LDB1: variants seen among roughly 807,000 people sequenced by gnomAD.
LDB1 encodes the protein LIM domain binding 1.
LDB1 carries 6 observed loss-of-function variants against 49.7 expected under a neutral mutation model. The ratio of observed to expected loss-of-function variants is 0.12; its 90% CI spans 0.07 to 0.24. The LOEUF (loss-of-function observed/expected upper bound fraction) is 0.24. LDB1 is among the 10% of genes least tolerant of loss of function. LDB1 has a pLI of 1.00. For synonymous variants in LDB1, 233 were observed against 202.0 expected (o/e 1.15, Z -1.30); for missense variants, 341 against 561.7 (o/e 0.61, Z 3.97).
intron 1 of LDB1, among the ~76,000 whole-genome samples, chr10:102,116,242 C>T (rs1590289239): frequency 6.6e-6 from 1 of 152,140 alleles, no homozygotes; most frequent in Non-Finnish European, 1.5e-5. Context: ...AGTGCAGTGG[C>T]GCGATCTCGG....
At chr10:102,104,001 G>A (rs932343558), downstream of LDB1, among the ~76,000 whole-genome samples, 1 of 151,966 alleles carries the variant, frequency 6.6e-6, no homozygotes, top group East Asian at 1.9e-4. Flanking sequence ...GGCAGAGGTT[G>A]CAGTGAGACG....
chr10:102,109,001 G>A lies in LDB1; in HGVS notation c.1005+28C>T, dbSNP rs757171881. 2 of 1,614,194 alleles carry A rather than the reference G, an allele frequency of 1.2e-6. No individual in the cohort carries two copies. Among genetic ancestry groups the A allele is most frequent in the East Asian group, 4.5e-5 (2 of 44,892 alleles). ...CAGGGGTGAGTGGTGGGGCAGCCCAGAAGAGAGAAGAAAGCCGAGATGCTT... is the reference window on the plus strand; with the variant it reads ...CAGGGGTGAGTGGTGGGGCAGCCCAAAAGAGAGAAGAAAGCCGAGATGCTT... On this transcript the variant is annotated intron_variant, in intron 10 of 10. Coordinates refer to ENST00000673968, the MANE Select transcript of LDB1 (RefSeq NM_001113407.3). The surrounding 1 kb of genome is among the most constrained non-coding windows in gnomAD (Gnocchi z 5.8).
At chr10:102,106,234 G>C (rs937507279), downstream of LDB1, among the ~76,000 whole-genome samples, 44 of 152,006 alleles carry the variant, frequency 2.9e-4, no homozygotes, top group Non-Finnish European at 8.8e-5. Flanking sequence ...CCTGGGGTGA[G>C]AGGTGGGGAG....
rs1202492586 is a variant in LDB1 at position 102,107,282 on chromosome 10, G to A, written c.*811C>T. Among the ~76,000 whole-genome samples the A allele has an allele frequency of 1.3e-5, 2 of 152,102 alleles. No individual in the cohort carries two copies. The highest frequency in any genetic ancestry group is 3.9e-4 in the East Asian group (2 of 5,178). ...CTAGGAGGGCAGGCCAGAGTCCAGA[G>A]AATGGGGACACAGAGACAACAGCAG... is the stretch of plus-strand genomic sequence containing the variant. On this transcript the variant is annotated 3_prime_UTR_variant, in exon 11 of 11. Transcript: ENST00000673968.
At chr10:102,114,029 G>C (rs556878411) in intron 1 of LDB1, among the ~76,000 whole-genome samples, 84 of 152,348 alleles carry the variant, frequency 5.5e-4, no homozygotes, top group African/African-American at 2.0e-3. Context: ...CCAGCAGCAG[G>C]AGTAGAGGCA....
At chr10:102,114,612 C>G (rs1255116630) in intron 1 of LDB1, 1 of 983,690 alleles carries the variant, frequency 1.0e-6, no homozygotes, top group Non-Finnish European at 1.2e-6. Flanking sequence ...GCCGCTGTCC[C>G]GGGGGAAAGT....
At chr10:102,114,812 G>GGGCCCCCCCCCCCCC in intron 1 of LDB1, 219 of 929,740 alleles carry the variant, frequency 2.4e-4, no homozygotes, top group Non-Finnish European at 2.6e-4. Context: ...CCTCCGAGCA[G>GGGCCCCCCCCCCCCC]CCCGCCCGCC....
rs1180695720 is a variant in LDB1, at chr10:102,114,486, C to CG, written c.26-2951dup. The CG allele has an allele frequency of 6.1e-6, 6 of 985,974 alleles. No homozygotes were observed. In the African/African-American group the frequency reaches 8.7e-5, roughly 14 times the overall value. 61.1% of individuals were successfully genotyped at this position (985,974 alleles called of 1,614,324 possible). On this transcript the variant is annotated intron_variant, in intron 1 of 10. Transcript: ENST00000673968. ...GAGTCCTGGCAGGGGTGAGGGCTGA[C>CG]GGGGGGACAACTTCAGCAGCTCATG...
chr10:102,120,528 T>C (rs537571289), upstream of LDB1: 19 of 291,854 alleles, frequency 6.5e-5, no homozygotes, highest in East Asian at 3.0e-3. Context: ...AATATGCTAA[T>C]TGTCCTGCTA....
At chr10:102,102,868 C>T (rs1365930174), downstream of LDB1, among the ~76,000 whole-genome samples, 2 of 152,166 alleles carry the variant, frequency 1.3e-5, no homozygotes, top group East Asian at 1.9e-4. Flanking sequence ...TATCATAGCA[C>T]ACTGTGGCCT....
Position 102,107,881 on chromosome 10 carries a change from C to T in LDB1, c.*212G>A, listed in dbSNP as rs554492610. ...GGCATCCACATGAGTACCCCCTCCC[C>T]CTAAAAGGCTCTGTAGAGGCCAGGC... is the stretch of plus-strand genomic sequence containing the variant. On this transcript the variant is annotated 3_prime_UTR_variant, in exon 11 of 11. Coordinates refer to ENST00000673968, the MANE Select transcript of LDB1 (RefSeq NM_001113407.3). The T allele has an allele frequency of 9.2e-5, 55 of 597,724 alleles. No homozygotes were observed. In the African/African-American group the frequency reaches 9.8e-4, roughly 11 times the overall value. 37.0% of individuals were successfully genotyped at this position (597,724 alleles called of 1,614,324 possible).
Position 102,109,052 on chromosome 10 carries a change from A to C in LDB1, c.982T>G (p.Phe328Val). The C allele has an allele frequency of 1.9e-6, 3 of 1,614,208 alleles. No homozygotes were observed. In the Admixed American group the frequency reaches 5.0e-5, roughly 27 times the overall value. ...ACAGGTACCTGGCTGGAGAGGGCGA[A>C]GGTGCTAGCTGGGCTCTTCTTCTTG... ...NSKKKSPAST[F>V]ALSSQVPDVM... is the part of the protein sequence containing the mutation. The change falls in exon 10 of 11, where the codon TTC becomes GTC. Residue 328 changes from phenylalanine to valine, a missense_variant. Phe to Val is a conservative substitution (Grantham distance 50). Around this residue, in one of 5 missense-constraint regions of LDB1, gnomAD observed 233 missense variants for 385.7 expected, o/e 0.60. Transcript: ENST00000673968. This position sits in a 1 kb window ranked among gnomAD's most constrained non-coding sequence, Gnocchi z 5.8.
At chr10:102,114,804 T>C (rs2068311220) in intron 1 of LDB1, 1 of 977,532 alleles carries the variant, frequency 1.0e-6, no homozygotes, top group Non-Finnish European at 1.2e-6. Context: ...TGCCTCTGCC[T>C]CCGAGCAGCC....
chr10:102,116,045 C>T (rs1041153281), intron 1 of LDB1, among the ~76,000 whole-genome samples: 2 of 152,194 alleles, frequency 1.3e-5, no homozygotes, highest in African/African-American at 4.8e-5. Context: ...TCACACATAA[C>T]TCCAAGGACA....
At chr10:102,116,413 T>G (rs1221792470) in intron 1 of LDB1, among the ~76,000 whole-genome samples, 1 of 152,156 alleles carries the variant, frequency 6.6e-6, no homozygotes, top group Non-Finnish European at 1.5e-5. Context: ...ACGCCTGACC[T>G]CAGGTGATCC....
At chr10:102,120,552 G>A (rs12768433), upstream of LDB1, 50,960 of 228,258 alleles carry the variant, frequency 0.22, 6,753 homozygotes, top group Non-Finnish European at 0.27. Flanking sequence ...GGAGGGGAGA[G>A]CCGTGTCAAA....
At chr10:102,113,248 AGAGCCTGT>A (rs146708319) in intron 1 of LDB1, among the ~76,000 whole-genome samples, 1 of 152,352 alleles carries the variant, frequency 6.6e-6, no homozygotes, top group Non-Finnish European at 1.5e-5. Flanking sequence ...ATGCCAAGTC[AGAGCCTGT>A]GTGTGCCTGC....
In LDB1 at chr10:102,109,191, C is replaced by T. The variant is rs376821684; in HGVS notation, c.857-14G>A. 4.2e-5 allele frequency: 67 copies of T among 1,612,942 alleles called. No homozygotes were observed. The highest frequency in any genetic ancestry group is 4.9e-5 in the Non-Finnish European group (58 of 1,179,876). On this transcript the variant is annotated splice_polypyrimidine_tract_variant and intron_variant, in intron 9 of 10. Transcript: ENST00000673968. The surrounding 1 kb of genome is among the most constrained non-coding windows in gnomAD (Gnocchi z 5.8). ...GTGTGGGCTCCGCTGTGCCGGTAAACGGAGACTCAGATGGGAGAGGGCCCC... is the reference window on the plus strand; with the variant it reads ...GTGTGGGCTCCGCTGTGCCGGTAAATGGAGACTCAGATGGGAGAGGGCCCC...
chr10:102,120,698 C>T (rs2068409025), upstream of LDB1, among the ~76,000 whole-genome samples: 1 of 152,130 alleles, frequency 6.6e-6, no homozygotes. Flanking sequence ...GCAGAGACCC[C>T]AGAGAGGGAG....
Sources: allele counts gnomAD v4.1 joint callset (sites outside exome capture counted in the v4.1 genomes callset), GRCh38; gene constraint gnomAD v4.1.1; regional missense constraint gnomAD v4.1.1; non-coding constraint Gnocchi (gnomAD v3.1); transcripts MANE v1.5; gene names NCBI Gene and HGNC (gene_info 2026-07-23, HGNC 2026-07-21).